The following CCDC180 variants were observed in gnomAD, a reference collection of about 807,000 sequenced individuals.
CCDC180 encodes coiled-coil domain-containing protein 180.
CCDC180 carries 154 observed loss-of-function variants against 209.2 expected under a neutral mutation model. The observed-to-expected ratio is 0.74, with a 90% CI of 0.65 to 0.84. The LOEUF (loss-of-function observed/expected upper bound fraction) is 0.84. Ranked by LOEUF, CCDC180 falls within the 40% of genes least tolerant of loss-of-function variation. CCDC180 has a pLI of 0.00. For synonymous variants in CCDC180, 778 were observed against 749.1 expected (o/e 1.04, Z -0.63); for missense variants, 1,874 against 1,997.3 (o/e 0.94, Z 1.18).
In CCDC180 at chr9:97,350,470, G is replaced by A; in HGVS notation, c.2917G>A (p.Val973Met). 1 of 1,536,296 alleles carries A rather than the reference G, an allele frequency of 6.5e-7. No individual in the cohort carries two copies. The highest frequency in any genetic ancestry group is 8.7e-7 in the Non-Finnish European group (1 of 1,146,976). Residue 973 changes from valine (V) to methionine (M), a missense_variant, in exon 22 of 37, where the codon GTG becomes ATG. Transcript: ENST00000529487. Reference protein sequence around the residue: ...ELLSYVDVTQVSLRSFRQYLE... With the variant: ...ELLSYVDVTQMSLRSFRQYLE... ...GCTTAGCTATGTTGATGTCACCCAGGTGTCCCTGCGCAGCTTCCGGCAGTA... is the reference window on the plus strand; with the variant it reads ...GCTTAGCTATGTTGATGTCACCCAGATGTCCCTGCGCAGCTTCCGGCAGTA...
chr9:97,348,596 CG>C (rs1230720808), intron 20 of CCDC180, among the ~76,000 whole-genome samples: 3 of 151,876 alleles, frequency 2.0e-5, no homozygotes, highest in African/African-American at 4.8e-5. Context: ...TGGTCGGGGT[CG>C]GGGGGGTCTA....
intron 24 of CCDC180, among the ~76,000 whole-genome samples, chr9:97,357,122 A>G (rs1826606175): frequency 6.6e-6 from 1 of 152,264 alleles, no homozygotes; most frequent in Non-Finnish European, 1.5e-5. Context: ...TTGCCAGGAC[A>G]GTCTGACTGC....
intron 2 of CCDC180, among the ~76,000 whole-genome samples, chr9:97,308,345 T>A (rs1362059631): frequency 1.3e-5 from 2 of 152,258 alleles, no homozygotes; most frequent in Non-Finnish European, 2.9e-5. Context: ...TAAATTAAAA[T>A]TTTAAATGTA....
At position 97,314,516 on chromosome 9, in the gene CCDC180, A is replaced by G; in HGVS notation, c.583A>G (p.Ile195Val). The G allele has an allele frequency of 1.2e-6, 2 of 1,614,072 alleles. No homozygotes were observed. The highest frequency in any genetic ancestry group is 2.2e-5 in the East Asian group (1 of 44,872). Residue 195 changes from isoleucine (I) to valine (V), a missense_variant, in exon 6 of 37, where the codon ATC becomes GTC. By Grantham distance (29) the Ile-to-Val change is conservative. Coordinates refer to ENST00000529487, the MANE Select transcript of CCDC180 (RefSeq NM_020893.6). Reference sequence around the variant, plus strand: ...TGACACCAACCTTGAGGACTACACCATCCAAGTAGGGGTCCCTTCGTGGCT... The same window carrying G: ...TGACACCAACCTTGAGGACTACACCGTCCAAGTAGGGGTCCCTTCGTGGCT... Reference protein sequence around the residue: ...ENDTNLEDYTIQALLELWDKV... With the variant: ...ENDTNLEDYTVQALLELWDKV...
chr9:97,326,891 C>A (rs1219895487), intron 15 of CCDC180, among the ~76,000 whole-genome samples: 1 of 152,142 alleles, frequency 6.6e-6, no homozygotes, highest in Non-Finnish European at 1.5e-5. Flanking sequence ...CAAAGCAATG[C>A]AGCTTAAGTT....
intron 20 of CCDC180, among the ~76,000 whole-genome samples, chr9:97,348,893 G>C (rs1163062795): frequency 1.3e-5 from 2 of 152,090 alleles, no homozygotes; most frequent in African/African-American, 2.4e-5. Context: ...CTCCGGGCAG[G>C]GTGTCTCCAC....
chr9:97,337,654 G>A (rs887556200), intron 18 of CCDC180, among the ~76,000 whole-genome samples: 2 of 152,172 alleles, frequency 1.3e-5, no homozygotes, highest in African/African-American at 4.8e-5. Context: ...CCAGGCTTTG[G>A]TATCAGGATG....
Position 97,318,590 on chromosome 9 carries a change from C to CA in CCDC180, c.1079+9dup. 1 of 1,611,264 alleles carries CA rather than the reference C, an allele frequency of 6.2e-7. No homozygotes were observed. The highest frequency in any genetic ancestry group is 8.5e-7 in the Non-Finnish European group (1 of 1,179,302). On this transcript the variant is annotated intron_variant, in intron 10 of 36. Transcript: ENST00000529487. The stretch of plus-strand genomic sequence containing the variant: ...GCATCTCTGCACCATCTGGTATGGG[C>CA]AGGAGGGGCGGCCCAGGAGGGGTGC...
chr9:97,370,870 G>T, intron 33 of CCDC180, 92 bp downstream of exon 33: 1 of 1,387,704 alleles, frequency 7.2e-7, no homozygotes, highest in Non-Finnish European at 9.8e-7. Context: ...CCCTTTCTTG[G>T]TATCTTGCCC....
intron 33 of CCDC180, 35 bp downstream of exon 33, chr9:97,370,813 G>A (rs1294196295): frequency 6.2e-6 from 10 of 1,607,396 alleles, no homozygotes; most frequent in Non-Finnish European, 8.5e-6. Context: ...GTCCAGGCAT[G>A]CTCCAAATAT....
In CCDC180 at chr9:97,366,651, C is replaced by T. The variant is rs764269580; in HGVS notation, c.4140C>T (p.Ile1380=). The change falls in exon 31 of 37, where the codon ATC becomes ATT. Residue 1380 remains isoleucine (I), a synonymous_variant. Transcript: ENST00000529487. This position sits in a 1 kb window ranked among gnomAD's most constrained non-coding sequence, Gnocchi z 4.3. The part of the protein sequence containing the change: ...DQCAENISKK[I]LEYQSQANKY... ...GCGCCGAGAACATTAGCAAAAAGAT[C>T]CTGGAGTATCAGAGCCAGGCAAATA... 4.3e-6 allele frequency: 7 copies of T among 1,614,168 alleles called. No homozygotes were observed. The highest frequency in any genetic ancestry group is 5.9e-6 in the Non-Finnish European group (7 of 1,180,020).
Position 97,371,691 on chromosome 9 carries a change from G to T in CCDC180, c.4585G>T (p.Asp1529Tyr). ...LQLDEVVTIDDVQVARMEPPK... is the reference protein window; with the variant it reads ...LQLDEVVTIDYVQVARMEPPK... ...GTTGGATGAGGTGGTCACCATTGACGATGTCCAGGTTGCAAGTAAGAGGCA... is the reference window on the plus strand; with the variant it reads ...GTTGGATGAGGTGGTCACCATTGACTATGTCCAGGTTGCAAGTAAGAGGCA... Residue 1529 changes from aspartate (D) to tyrosine (Y), a missense_variant, in exon 34 of 37, where the codon GAT (aspartate) becomes TAT (tyrosine). Asp to Tyr is a radical substitution (Grantham distance 160). Coordinates refer to ENST00000529487, the MANE Select transcript of CCDC180 (RefSeq NM_020893.6). The T allele has an allele frequency of 6.3e-7, 1 of 1,595,854 alleles. No individual in the cohort carries two copies. The highest frequency in any genetic ancestry group is 2.2e-5 in the East Asian group (1 of 44,456).
At chr9:97,371,772 G>T (rs1323259443) in intron 34 of CCDC180, 66 bp downstream of exon 34, 7 of 975,758 alleles carry the variant, frequency 7.2e-6, no homozygotes, top group African/African-American at 1.6e-5. Context: ...TTGGGCAGGG[G>T]TCTGCTTTCC....
intron 4 of CCDC180, among the ~76,000 whole-genome samples, chr9:97,312,987 T>TA (rs1318261248): frequency 1.3e-5 from 2 of 152,240 alleles, no homozygotes; most frequent in Admixed American, 1.3e-4. Context: ...GAACTTTTTT[T>TA]AAAAAAACAT....
In CCDC180 at chr9:97,366,776, G is replaced by A; in HGVS notation, c.4189+76G>A. The A allele has an allele frequency of 6.5e-7, 1 of 1,530,796 alleles. No individual in the cohort carries two copies. Among genetic ancestry groups the A allele is most frequent in the Non-Finnish European group, 8.8e-7 (1 of 1,131,434 alleles). 94.8% of individuals were successfully genotyped at this position (1,530,796 alleles called of 1,614,324 possible). ...AGTGGTGGAGCTCGGCCTTGGCCTTGTGGCCTGGATCCTCCCCTCTGGGGG... is the reference window on the plus strand; with the variant it reads ...AGTGGTGGAGCTCGGCCTTGGCCTTATGGCCTGGATCCTCCCCTCTGGGGG... On this transcript the variant is annotated intron_variant, in intron 31 of 36. Coordinates refer to ENST00000529487, the MANE Select transcript of CCDC180 (RefSeq NM_020893.6). The surrounding 1 kb of genome is among the most constrained non-coding windows in gnomAD (Gnocchi z 4.3).
At position 97,307,990 on chromosome 9, in the gene CCDC180, A is replaced by G. The variant is rs776133596; in HGVS notation, c.-74A>G. 3.1e-6 allele frequency: 5 copies of G among 1,596,610 alleles called. No individual in the cohort carries two copies. In the South Asian group the frequency reaches 5.7e-5, roughly 18 times the overall value. ...GCGATTTCCCAACCTCAGGAATTGG[A>G]ATTGAGACACCAAAGCCTAGACGCG... On this transcript the variant is annotated 5_prime_UTR_variant, in exon 2 of 37. Transcript: ENST00000529487.
At position 97,369,724 on chromosome 9, in the gene CCDC180, AGCCACTGCAGCTGGCTAACCCT is replaced by A. The variant is rs1187437484; in HGVS notation, c.4190-196_4190-175del. On this transcript the variant is annotated intron_variant, in intron 31 of 36. Transcript: ENST00000529487. ...CCAAAGTGCTGGGATTACAGGTGTA[AGCCACTGCAGCTGGCTAACCCT>A]GTATTTTCTATACTGGTTTGACCTC... The A allele has an allele frequency of 7.5e-6, 4 of 532,566 alleles. No homozygotes were observed. The East Asian group carries it at 1.4e-4, about 18-fold the overall frequency. The allele number at this position is 532,566 out of a possible 1,614,324, so 33.0% of individuals were successfully genotyped here.
intron 33 of CCDC180, chr9:97,371,226 A>G (rs565216566): frequency 6.0e-6 from 1 of 165,690 alleles, no homozygotes; most frequent in South Asian, 1.8e-4. Context: ...GGCCTCCCAA[A>G]GTGCTGGGAT....
At chr9:97,312,320 C>A in intron 4 of CCDC180, 119 bp downstream of exon 4, 1 of 769,732 alleles carries the variant, frequency 1.3e-6, no homozygotes, top group Non-Finnish European at 2.1e-6. Flanking sequence ...CACTGTGTTC[C>A]TCGGCTCAGC....
Sources: allele counts gnomAD v4.1 joint callset (sites outside exome capture counted in the v4.1 genomes callset), GRCh38; gene constraint gnomAD v4.1.1; non-coding constraint Gnocchi (gnomAD v3.1); transcripts MANE v1.5; gene names NCBI Gene and HGNC (gene_info 2026-07-23, HGNC 2026-07-21).